PCDHA10: variants seen among roughly 807,000 people sequenced by gnomAD.
PCDHA10 encodes protocadherin alpha-10.
Under a neutral mutation model 61.2 loss-of-function variants are expected in PCDHA10, and 45 were observed. The observed-to-expected ratio is 0.74, with a 90% confidence interval of 0.58 to 0.94. PCDHA10 has a LOEUF of 0.94. Ranked by LOEUF, PCDHA10 falls within the 40% of genes least tolerant of loss-of-function variation. The pLI, the probability that PCDHA10 is intolerant of heterozygous loss-of-function variation, is 0.00. For synonymous variants in PCDHA10, 602 were observed against 548.8 expected (o/e 1.10, Z -1.35); for missense variants, 1,278 against 1,236.2 (o/e 1.03, Z -0.51).
At position 141,009,759 on chromosome 5, in the gene PCDHA10, G is replaced by T. The variant is rs200822345; in HGVS notation, c.2669G>T (p.Gly890Val). The change falls in exon 4 of 4, where the codon GGA becomes GTA. Residue 890 changes from glycine to valine, a missense_variant. By Grantham distance (109) the Gly-to-Val change is moderately radical. Transcript: ENST00000307360. ...GELPDKFIIP[G>V]SPAIISIRQE... ...TTGCCCGACAAATTCATTATCCCAG[G>T]ATCTCCTGCAATCATCTCCATCCGG... The T allele has an allele frequency of 6.7e-5, 108 of 1,614,082 alleles. 1 individual carries two copies. The East Asian group carries it at 2.2e-3, about 33-fold the overall frequency.
chr5:140,982,461 G>C lies in PCDHA10; in HGVS notation c.2448-14G>C, dbSNP rs765899879. Reference sequence around the variant, plus strand: ...TATGATCTAACCGTTATCTGGGTCTGTGTGTTTATTCAGCTCTGTGCACCT... The same window carrying C: ...TATGATCTAACCGTTATCTGGGTCTCTGTGTTTATTCAGCTCTGTGCACCT... On this transcript the variant is annotated splice_polypyrimidine_tract_variant and intron_variant, in intron 2 of 3. Coordinates refer to ENST00000307360, the MANE Select transcript of PCDHA10 (RefSeq NM_018901.4). 4.3e-6 allele frequency: 7 copies of C among 1,613,970 alleles called. No homozygotes were observed. The Admixed American group carries it at 6.7e-5, about 15-fold the overall frequency.
At chr5:140,909,471 A>G (rs1398595420) in intron 1 of PCDHA10, among the ~76,000 whole-genome samples, 3 of 152,328 alleles carry the variant, frequency 2.0e-5, no homozygotes, top group African/African-American at 7.2e-5. Context: ...TCTTCTTCAC[A>G]GGCTAAATAG....
Position 140,882,921 on chromosome 5 carries a change from G to A in PCDHA10, c.2388+24485G>A, listed in dbSNP as rs1554176106. ...TTATTACTGACAGCCAGTGATGGAG[G>A]TAAACCCGAGCTGACTGGCACAGTT... On this transcript the variant is annotated intron_variant, in intron 1 of 3. Coordinates refer to ENST00000307360, the MANE Select transcript of PCDHA10 (RefSeq NM_018901.4). 5.0e-6 allele frequency: 8 copies of A among 1,614,194 alleles called. No individual in the cohort carries two copies. Among genetic ancestry groups the A allele is most frequent in the Non-Finnish European group, 6.8e-6 (8 of 1,180,048 alleles).
At chr5:140,995,543 G>T (rs1243799532) in intron 3 of PCDHA10, among the ~76,000 whole-genome samples, 1 of 152,144 alleles carries the variant, frequency 6.6e-6, no homozygotes, top group African/African-American at 2.4e-5. Flanking sequence ...AATAAGGGGC[G>T]ATCACTGTAC....
In PCDHA10 at chr5:140,856,780, G is replaced by C. The variant is rs1015178435; in HGVS notation, c.732G>C (p.Pro244=). The change falls in exon 1 of 4, where the codon CCG becomes CCC. Residue 244 remains proline (P), a synonymous_variant. Transcript: ENST00000307360. The stretch of plus-strand genomic sequence containing the variant: ...ATAACGCCCCTATCTTTGACAGACC[G>C]GTTTATGAAGTTAAGATGTATGAAA... ...ANDNAPIFDR[P]VYEVKMYENQ... 1 of 1,596,106 alleles carries C rather than the reference G, an allele frequency of 6.3e-7. No homozygotes were observed. The highest frequency in any genetic ancestry group is 8.6e-7 in the Non-Finnish European group (1 of 1,166,374).
chr5:140,980,608 G>A (rs994415170), intron 2 of PCDHA10, among the ~76,000 whole-genome samples: 6 of 151,850 alleles, frequency 4.0e-5, no homozygotes, highest in African/African-American at 7.3e-5. Context: ...CCAGCCTGGC[G>A]ACAGTGCGAG....
chr5:140,926,797 T>C (rs2153584735), intron 1 of PCDHA10: 2 of 1,450,476 alleles, frequency 1.4e-6, no homozygotes, highest in Admixed American at 2.7e-5. Flanking sequence ...AGGAGCGTGC[T>C]CTTCCCCGCG....
Position 140,974,863 on chromosome 5 carries a change from G to A in PCDHA10, c.2389-4086G>A, listed in dbSNP as rs559374442. On this transcript the variant is annotated intron_variant, in intron 1 of 3. Coordinates refer to ENST00000307360, the MANE Select transcript of PCDHA10 (RefSeq NM_018901.4). ...ATGTTATATTCCCTTTTGCCTTAAT[G>A]CGGAACAGTCTATGTATCCCTTTTC... Among the ~76,000 whole-genome samples, 14 of 152,198 alleles carry A rather than the reference G, an allele frequency of 9.2e-5. No homozygotes were observed. The South Asian group carries it at 2.9e-3, about 32-fold the overall frequency.
chr5:140,926,424 G>A (rs894649962), intron 1 of PCDHA10: 2 of 153,468 alleles, frequency 1.3e-5, no homozygotes, highest in African/African-American at 4.8e-5. Context: ...AGAGGATGTG[G>A]AGGTTAAGAT....
chr5:140,862,714 G>C, intron 1 of PCDHA10: 1 of 562,754 alleles, frequency 1.8e-6, no homozygotes, highest in South Asian at 1.4e-5. Flanking sequence ...GCGGGTGGGC[G>C]AGTGCGCGCT....
chr5:140,967,928 A>G, intron 1 of PCDHA10: 1 of 1,614,200 alleles, frequency 6.2e-7, no homozygotes, highest in South Asian at 1.1e-5. Context: ...GGCCGTTCTC[A>G]GTGTCAATGA....
intron 1 of PCDHA10, among the ~76,000 whole-genome samples, chr5:140,975,395 C>T (rs2096665697): frequency 6.6e-6 from 1 of 152,246 alleles, no homozygotes; most frequent in Admixed American, 6.5e-5. Flanking sequence ...AGATCCATCA[C>T]AATCACAGTC....
chr5:140,999,922 C>T (rs2097883458), intron 3 of PCDHA10, among the ~76,000 whole-genome samples: 1 of 152,154 alleles, frequency 6.6e-6, no homozygotes, highest in Non-Finnish European at 1.5e-5. Context: ...AATCTTCTTC[C>T]AGCTCAACTC....
intron 3 of PCDHA10, among the ~76,000 whole-genome samples, chr5:140,999,091 T>A (rs1342614556): frequency 2.0e-5 from 3 of 152,208 alleles, no homozygotes; most frequent in African/African-American, 7.2e-5. Flanking sequence ...TTCAGAGGGC[T>A]ATGGAGAGTA....
intron 2 of PCDHA10, among the ~76,000 whole-genome samples, chr5:140,979,916 A>C (rs369427870): frequency 4.1e-4 from 63 of 152,376 alleles, no homozygotes; most frequent in African/African-American, 1.4e-3. Context: ...CGTAAAGAGA[A>C]AGCCTACAAA....
chr5:140,856,147 A>T lies in PCDHA10; in HGVS notation c.99A>T (p.Ser33=), dbSNP rs142037616. ...WEVGSGQLHY[S]VYEEARHGTF... ...TGGGGAGCGGCCAGCTCCACTACTC[A>T]GTCTACGAGGAGGCCAGACACGGCA... is the stretch of plus-strand genomic sequence containing the variant. The change falls in exon 1 of 4, where the codon TCA becomes TCT. Residue 33 remains serine (S), a synonymous_variant. Transcript: ENST00000307360. 363 of 1,598,234 alleles carry T rather than the reference A, an allele frequency of 2.3e-4. 22 individuals are homozygous for T. In the African/African-American group the frequency reaches 3.7e-3, roughly 16 times the overall value.
At chr5:140,966,683 G>A (rs1357691419) in intron 1 of PCDHA10, 1 of 1,331,590 alleles carries the variant, frequency 7.5e-7, no homozygotes. Flanking sequence ...TGGCACGAGC[G>A]GAGGCGGGGC....
chr5:141,007,133 G>A (rs1588151080), intron 3 of PCDHA10, among the ~76,000 whole-genome samples: 1 of 152,128 alleles, frequency 6.6e-6, no homozygotes, highest in South Asian at 2.1e-4. Flanking sequence ...CAGATGAGGA[G>A]ACTGACAAAG....
intron 1 of PCDHA10, among the ~76,000 whole-genome samples, chr5:140,973,202 T>C (rs1266876355): frequency 3.3e-5 from 5 of 152,244 alleles, no homozygotes; most frequent in African/African-American, 1.2e-4. Flanking sequence ...TATGTGTGCA[T>C]ATTCACCCTA....
Sources: gnomAD v4.1 joint callset for allele counts (sites outside exome capture counted in the v4.1 genomes callset) on GRCh38, gnomAD v4.1.1 for gene constraint, MANE v1.5 for transcripts, NCBI Gene and HGNC (gene_info 2026-07-23, HGNC 2026-07-21) for gene names.